ARID1B: variants seen among roughly 807,000 people sequenced by gnomAD.
ARID1B encodes AT-rich interaction domain 1B.
ARID1B carries 30 observed loss-of-function variants against 212.3 expected under a neutral mutation model. The observed-to-expected ratio is 0.14, with a 90% CI of 0.11 to 0.19. The LOEUF (loss-of-function observed/expected upper bound fraction) is 0.19, where lower values mean the gene tolerates loss of function less well. ARID1B is among the 10% of genes least tolerant of loss of function. The pLI is 1.00. For synonymous variants in ARID1B, 1,402 were observed against 1,301.7 expected, an observed-to-expected ratio of 1.08 and a Z score of -1.66; for missense variants, 2,891 against 3,204.0, an observed-to-expected ratio of 0.90 and a Z score of 2.36.
intron 3 of ARID1B, among the ~76,000 whole-genome samples, chr6:156,914,308 G>C (rs1248383313): frequency 6.6e-6 from 1 of 152,192 alleles, no homozygotes; most frequent in Non-Finnish European, 1.5e-5. Context: ...TCTTTTCAAA[G>C]CCTCCAGTGT....
chr6:156,954,402 C>CA lies in ARID1B; in HGVS notation c.2247+18827dup, dbSNP rs145646918. Among the ~76,000 whole-genome samples the CA allele has an allele frequency of 3.6e-3, 546 of 152,194 alleles. 3 individuals carry two copies. The highest frequency in any genetic ancestry group is 0.011 in the African/African-American group (443 of 41,536). ...TCGAAGCAATATGCTCTGACATAGTCAGCCTGTGTGGAATGAGGCCGTTTG... is the reference window on the plus strand; with the variant it reads ...TCGAAGCAATATGCTCTGACATAGTCAAGCCTGTGTGGAATGAGGCCGTTTG... On this transcript the variant is annotated intron_variant, in intron 4 of 19. Transcript: ENST00000636930.
At chr6:156,898,329 G>T (rs908104860) in intron 2 of ARID1B, among the ~76,000 whole-genome samples, 2 of 152,158 alleles carry the variant, frequency 1.3e-5, no homozygotes, top group African/African-American at 4.8e-5. Flanking sequence ...CTCACGCATC[G>T]GTCCTTTGGG....
chr6:157,116,485 T>A (rs1207782485), intron 6 of ARID1B, among the ~76,000 whole-genome samples: 8 of 148,766 alleles, frequency 5.4e-5, no homozygotes, highest in Non-Finnish European at 1.0e-4. Context: ...TTTTATCTAG[T>A]AAGCCAGCAG....
At chr6:156,798,889 T>C (rs930005839) in intron 1 of ARID1B, among the ~76,000 whole-genome samples, 1 of 152,240 alleles carries the variant, frequency 6.6e-6, no homozygotes, top group Admixed American at 6.5e-5. Flanking sequence ...AACCTTATGT[T>C]TGAGAGCTGT....
intron 11 of ARID1B, 104 bp from the exon 12 acceptor site, chr6:157,180,865 C>G (rs907496528): frequency 4.3e-6 from 4 of 920,218 alleles, no homozygotes; most frequent in South Asian, 3.4e-5. Flanking sequence ...AGTTTTTAAT[C>G]TCTTCTCTTC....
chr6:157,092,612 G>A (rs1785348712), intron 5 of ARID1B, among the ~76,000 whole-genome samples: 1 of 152,122 alleles, frequency 6.6e-6, no homozygotes, highest in Non-Finnish European at 1.5e-5. Flanking sequence ...TTCAAATTAA[G>A]CCTTTTCTCC....
intron 1 of ARID1B, among the ~76,000 whole-genome samples, chr6:156,790,420 T>G (rs1779930448): frequency 6.6e-6 from 1 of 152,218 alleles, no homozygotes; most frequent in Non-Finnish European, 1.5e-5. Context: ...TGTTTAAATT[T>G]TACTTAGTAT....
At chr6:156,791,675 A>G (rs953992522) in intron 1 of ARID1B, among the ~76,000 whole-genome samples, 4 of 152,226 alleles carry the variant, frequency 2.6e-5, no homozygotes, top group Non-Finnish European at 5.9e-5. Context: ...ACACGGACAG[A>G]TAACACAGGG....
intron 4 of ARID1B, among the ~76,000 whole-genome samples, chr6:156,982,823 TA>T (rs1299120066): frequency 6.6e-6 from 1 of 152,252 alleles, no homozygotes; most frequent in Admixed American, 6.5e-5. Flanking sequence ...ATGTTTCTTC[TA>T]TTCCTTGCAT....
chr6:157,121,425 T>G (rs1199925359), intron 6 of ARID1B, among the ~76,000 whole-genome samples: 1 of 152,130 alleles, frequency 6.6e-6, no homozygotes, highest in Admixed American at 6.5e-5. Context: ...TAGGTCTCTC[T>G]CTTATCCAGG....
intron 2 of ARID1B, among the ~76,000 whole-genome samples, chr6:156,896,716 T>C (rs1023891149): frequency 4.6e-5 from 7 of 151,668 alleles, no homozygotes; most frequent in African/African-American, 1.7e-4. Context: ...CCGTCTCTAC[T>C]GAAAATACAA....
intron 19 of ARID1B, chr6:157,204,276 A>G (rs978706999): frequency 4.5e-5 from 11 of 245,496 alleles, no homozygotes; most frequent in Middle Eastern, 1.2e-3. Flanking sequence ...GTAACATTAA[A>G]TTGTTCAGAA....
At chr6:156,823,228 A>G (rs182308) in intron 1 of ARID1B, among the ~76,000 whole-genome samples, 25,609 of 152,032 alleles carry the variant, frequency 0.17, 2,454 homozygotes, top group Non-Finnish European at 0.22. Context: ...TTTTTTCTCA[A>G]TGAGTAGGTG....
intron 7 of ARID1B, among the ~76,000 whole-genome samples, chr6:157,142,849 T>A (rs992326286): frequency 6.6e-6 from 1 of 152,176 alleles, no homozygotes; most frequent in African/African-American, 2.4e-5. Flanking sequence ...CTCCATCATA[T>A]AGGGAATGAC....
At chr6:157,041,115 G>T (rs1169328167) in intron 4 of ARID1B, among the ~76,000 whole-genome samples, 1 of 152,076 alleles carries the variant, frequency 6.6e-6, no homozygotes, top group African/African-American at 2.4e-5. Context: ...CTTATTTTCA[G>T]CTTTGATCAT....
At chr6:156,915,399 T>A (rs1436709738) in intron 3 of ARID1B, among the ~76,000 whole-genome samples, 1 of 151,908 alleles carries the variant, frequency 6.6e-6, no homozygotes, top group Non-Finnish European at 1.5e-5. Context: ...AAACCCTGTC[T>A]CTACTAAAAA....
intron 5 of ARID1B, among the ~76,000 whole-genome samples, chr6:157,109,469 G>A (rs1162095099): frequency 6.6e-6 from 1 of 152,182 alleles, no homozygotes; most frequent in African/African-American, 2.4e-5. Context: ...GAAGCAAAGA[G>A]GGAGGGTAGA....
At chr6:156,996,072 T>C (rs1275898198) in intron 4 of ARID1B, among the ~76,000 whole-genome samples, 10 of 152,260 alleles carry the variant, frequency 6.6e-5, no homozygotes, top group South Asian at 2.1e-4. Context: ...CTAAATCCTT[T>C]GACTCTGTAG....
intron 7 of ARID1B, among the ~76,000 whole-genome samples, chr6:157,145,438 G>A (rs1184693405): frequency 2.6e-5 from 4 of 152,170 alleles, no homozygotes; most frequent in Non-Finnish European, 5.9e-5. Flanking sequence ...CAAAAAGCGT[G>A]CCTGCCCACA....
Sources: allele counts gnomAD v4.1 joint callset (sites outside exome capture counted in the v4.1 genomes callset), GRCh38; gene constraint gnomAD v4.1.1; transcripts MANE v1.5; gene names NCBI Gene and HGNC (gene_info 2026-07-23, HGNC 2026-07-21).